ST6GALNAC3: variants seen among roughly 807,000 people sequenced by gnomAD.
ST6GALNAC3 encodes ST6 N-acetylgalactosaminide alpha-2,6-sialyltransferase 3, also known as alpha-N-acetylgalactosaminide alpha-2,6-sialyltransferase 3.
Under a neutral mutation model 32.7 loss-of-function variants are expected in ST6GALNAC3, and 25 were observed. The observed-to-expected ratio is 0.76, with a 90% CI of 0.56 to 1.07. The LOEUF (loss-of-function observed/expected upper bound fraction) is 1.07, where lower values mean the gene tolerates loss of function less well. ST6GALNAC3 is among the 50% of genes least tolerant of loss of function. The probability of loss-of-function intolerance (pLI) is 0.00; values close to 1 mark genes in which losing one functional copy is unlikely to be tolerated. For synonymous variants in ST6GALNAC3, 129 were observed against 133.1 expected (o/e 0.97, Z 0.21); for missense variants, 355 against 382.4 (o/e 0.93, Z 0.60).
intron 1 of ST6GALNAC3, among the ~76,000 whole-genome samples, chr1:76,197,986 GA>G (rs1201900489): frequency 6.6e-6 from 1 of 152,168 alleles, no homozygotes; most frequent in African/African-American, 2.4e-5. Context: ...GCCCCTGGTT[GA>G]AAACAACTGT....
At chr1:76,605,660 T>C (rs1163904504) in intron 3 of ST6GALNAC3, among the ~76,000 whole-genome samples, 3 of 148,770 alleles carry the variant, frequency 2.0e-5, no homozygotes, top group Non-Finnish European at 4.5e-5. Flanking sequence ...AAGTCAGGAG[T>C]TCAAGACCAG....
At chr1:76,224,572 T>A (rs541128101) in intron 1 of ST6GALNAC3, among the ~76,000 whole-genome samples, 1 of 152,352 alleles carries the variant, frequency 6.6e-6, no homozygotes, top group African/African-American at 2.4e-5. Context: ...TAAATAATAG[T>A]AAATTGATTC....
intron 3 of ST6GALNAC3, among the ~76,000 whole-genome samples, chr1:76,574,120 T>A (rs1260548070): frequency 3.3e-5 from 5 of 152,094 alleles, no homozygotes; most frequent in African/African-American, 1.2e-4. Context: ...ATACCCAGTA[T>A]GAAACTTGAC....
intron 3 of ST6GALNAC3, among the ~76,000 whole-genome samples, chr1:76,419,484 T>A (rs1306804888): frequency 6.6e-6 from 1 of 152,140 alleles, no homozygotes; most frequent in Non-Finnish European, 1.5e-5. Flanking sequence ...CATCATGGGA[T>A]CTATCTCTGT....
intron 1 of ST6GALNAC3, among the ~76,000 whole-genome samples, chr1:76,295,515 C>G (rs1013220560): frequency 6.6e-6 from 1 of 151,954 alleles, no homozygotes; most frequent in East Asian, 1.9e-4. Context: ...GGAATAAAAT[C>G]GACATTTATT....
intron 1 of ST6GALNAC3, among the ~76,000 whole-genome samples, chr1:76,099,120 A>C (rs1166899729): frequency 1.3e-5 from 2 of 152,090 alleles, no homozygotes; most frequent in African/African-American, 4.8e-5. Flanking sequence ...CCATTGATCT[A>C]TTTGTTCATT....
chr1:76,409,659 C>A (rs1043887972), intron 2 of ST6GALNAC3, among the ~76,000 whole-genome samples: 6 of 151,958 alleles, frequency 3.9e-5, no homozygotes, highest in African/African-American at 1.4e-4. Context: ...ATGGGAAAGG[C>A]TGATGATTTT....
At chr1:76,385,640 G>T (rs968890606) in intron 2 of ST6GALNAC3, among the ~76,000 whole-genome samples, 2 of 152,116 alleles carry the variant, frequency 1.3e-5, no homozygotes, top group African/African-American at 4.8e-5. Context: ...TACCTTGGAG[G>T]ATCGGATCAT....
intron 1 of ST6GALNAC3, among the ~76,000 whole-genome samples, chr1:76,197,678 A>T (rs1405268816): frequency 6.6e-6 from 1 of 152,188 alleles, no homozygotes; most frequent in Non-Finnish European, 1.5e-5. Context: ...TGGCTGGTTC[A>T]CTGAGTGTAG....
intron 3 of ST6GALNAC3, among the ~76,000 whole-genome samples, chr1:76,443,780 G>C (rs1407663098): frequency 1.3e-5 from 2 of 152,186 alleles, no homozygotes; most frequent in Non-Finnish European, 2.9e-5. Flanking sequence ...TATTATGATA[G>C]AAAGTAGCCT....
intron 2 of ST6GALNAC3, among the ~76,000 whole-genome samples, chr1:76,383,441 A>ATTT (rs34140871): frequency 0.01 from 1,356 of 134,330 alleles, 35 homozygotes; most frequent in Admixed American, 0.054. Context: ...TGGCTAATTA[A>ATTT]TTTTTTTTTT....
chr1:76,171,352 G>GA (rs1312327590), intron 1 of ST6GALNAC3, among the ~76,000 whole-genome samples: 3 of 151,782 alleles, frequency 2.0e-5, no homozygotes, highest in East Asian at 1.9e-4. Flanking sequence ...AAACACAAAG[G>GA]AAAAAAATCC....
chr1:76,332,953 C>A (rs1046559586), intron 2 of ST6GALNAC3, among the ~76,000 whole-genome samples: 6 of 152,006 alleles, frequency 3.9e-5, no homozygotes, highest in African/African-American at 1.4e-4. Flanking sequence ...TCAACCAGAA[C>A]ACCTATAGCA....
intron 3 of ST6GALNAC3, among the ~76,000 whole-genome samples, chr1:76,607,515 G>A (rs568145692): frequency 2.8e-4 from 43 of 152,218 alleles, no homozygotes; most frequent in Non-Finnish European, 5.6e-4. Context: ...TATTACTCTG[G>A]AGATTCCAAG....
At chr1:76,392,137 T>C (rs1400206946) in intron 2 of ST6GALNAC3, among the ~76,000 whole-genome samples, 3 of 152,162 alleles carry the variant, frequency 2.0e-5, no homozygotes, top group Admixed American at 6.5e-5. Flanking sequence ...ATTGTAACAA[T>C]TGAAAAATGT....
intron 3 of ST6GALNAC3, among the ~76,000 whole-genome samples, chr1:76,523,512 C>G (rs913091748): frequency 6.6e-6 from 1 of 152,142 alleles, no homozygotes; most frequent in South Asian, 2.1e-4. Context: ...GATAGAGAGG[C>G]TATCACCTTA....
chr1:76,386,612 A>AGAT (rs1043121478), intron 2 of ST6GALNAC3, among the ~76,000 whole-genome samples: 17 of 152,216 alleles, frequency 1.1e-4, no homozygotes, highest in African/African-American at 4.1e-4. Flanking sequence ...GTGGCATTTG[A>AGAT]GATAATAACA....
At chr1:76,557,691 G>A (rs986039958) in intron 3 of ST6GALNAC3, among the ~76,000 whole-genome samples, 9 of 152,060 alleles carry the variant, frequency 5.9e-5, no homozygotes, top group Admixed American at 6.6e-5. Context: ...TTCCACATTA[G>A]TTATTCTACC....
At chr1:76,335,610 A>C (rs1352795894) in intron 2 of ST6GALNAC3, among the ~76,000 whole-genome samples, 2 of 152,202 alleles carry the variant, frequency 1.3e-5, no homozygotes, top group African/African-American at 4.8e-5. Flanking sequence ...CCTGGCAGGA[A>C]ATTGATTTTT....
Sources: allele counts gnomAD v4.1 joint callset (sites outside exome capture counted in the v4.1 genomes callset), GRCh38; gene constraint gnomAD v4.1.1; transcripts MANE v1.5; gene names NCBI Gene and HGNC (gene_info 2026-07-23, HGNC 2026-07-21).